Variants in TUBGCP5 observed in about 807,000 individuals in gnomAD.
The protein encoded by TUBGCP5 is gamma-tubulin complex component 5.
TUBGCP5 carries 98 observed loss-of-function variants against 134.7 expected under a neutral mutation model. The ratio of observed to expected loss-of-function variants is 0.73; its 90% CI spans 0.62 to 0.86. The LOEUF is 0.86. Ranked by LOEUF, TUBGCP5 falls within the 40% of genes least tolerant of loss-of-function variation. TUBGCP5 has a pLI of 0.00. For missense variants in TUBGCP5, 1,150 were observed against 1,244.8 expected (o/e 0.92, Z 1.15); for synonymous variants, 456 against 431.4 (o/e 1.06, Z -0.71).
chr15:23,039,249 G>A (rs1226313683), intron 1 of TUBGCP5, 149 bp downstream of exon 1: 15 of 903,998 alleles, frequency 1.7e-5, no homozygotes, highest in Non-Finnish European at 2.1e-5. Context: ...CGGGGAGCAG[G>A]CGGTGGCAGG....
chr15:23,016,874 C>T (rs964920011), intron 13 of TUBGCP5, among the ~76,000 whole-genome samples: 7 of 150,562 alleles, frequency 4.6e-5, no homozygotes, highest in Admixed American at 1.3e-4. Flanking sequence ...AAGAGACATC[C>T]GCACCCCCAT....
At chr15:22,988,215 C>T (rs2063737191) in intron 23 of TUBGCP5, among the ~76,000 whole-genome samples, 1 of 151,830 alleles carries the variant, frequency 6.6e-6, no homozygotes, top group Non-Finnish European at 1.5e-5. Context: ...TGAAGGGGCC[C>T]TAAATCCAAT....
In TUBGCP5 at chr15:22,999,355, T is replaced by C; in HGVS notation, c.*465A>G. The C allele has an allele frequency of 5.1e-6, 1 of 195,524 alleles. No individual in the cohort carries two copies. The highest frequency in any genetic ancestry group is 1.1e-4 in the East Asian group (1 of 8,752). 12.1% of individuals were successfully genotyped at this position (195,524 alleles called of 1,614,324 possible). On this transcript the variant is annotated 3_prime_UTR_variant, in exon 23 of 23. Coordinates refer to ENST00000615383, the MANE Select transcript of TUBGCP5 (RefSeq NM_052903.6). ...TATGTATACAACTCTATACAGTATC[T>C]ACTAATCTCCAGAAAACCCACCTAC...
chr15:22,994,528 C>T (rs1188107145), downstream of TUBGCP5, among the ~76,000 whole-genome samples: 3 of 152,186 alleles, frequency 2.0e-5, no homozygotes, highest in East Asian at 5.8e-4. Flanking sequence ...TGAGACTCAT[C>T]CAAGTTGTTA....
chr15:23,026,312 A>G (rs2065985461), intron 7 of TUBGCP5, 107 bp from the exon 8 acceptor site: 2 of 925,070 alleles, frequency 2.2e-6, no homozygotes, highest in Non-Finnish European at 3.5e-6. Flanking sequence ...GCAATCAACT[A>G]ACAAGTATAC....
At chr15:22,999,129 T>C (rs1385289079), downstream of TUBGCP5, 1 of 152,148 alleles carries the variant, frequency 6.6e-6, no homozygotes, top group Non-Finnish European at 1.5e-5. Flanking sequence ...TAAAACTCTA[T>C]ATAAAAAGCT....
intron 11 of TUBGCP5, 39 bp downstream of exon 11, chr15:23,021,920 A>G (rs752156616): frequency 2.4e-5 from 38 of 1,579,854 alleles, no homozygotes; most frequent in Non-Finnish European, 3.1e-5. Context: ...TCTGCTGTGC[A>G]GCATGGAGTC....
intron 21 of TUBGCP5, among the ~76,000 whole-genome samples, chr15:23,001,396 A>G (rs527940464): frequency 6.7e-6 from 1 of 149,408 alleles, no homozygotes; most frequent in African/African-American, 2.5e-5. Context: ...CTGGAGTGCA[A>G]TGTAGCGATC....
At chr15:23,024,955 G>A in intron 8 of TUBGCP5, 125 bp from the exon 9 acceptor site, 1 of 616,452 alleles carries the variant, frequency 1.6e-6, no homozygotes, top group South Asian at 1.9e-5. Flanking sequence ...AGGCTGGAGT[G>A]CAGCAGCATG....
In TUBGCP5 at chr15:23,017,924, G is replaced by A. The variant is rs61738868; in HGVS notation, c.1605C>T (p.Ser535=). Residue 535 remains serine (S), a synonymous_variant, in exon 13 of 23, where the codon TCC becomes TCT. Transcript: ENST00000615383. ...TGCTGGAGGGCCCCTGGTCACTGCC[G>A]GAACTCGCACTAGCGTTATCACTCA... ...EKMSDNASAS[S]GSDQGPSSRQ... is the part of the protein sequence containing the mutation. 5.1e-3 allele frequency: 8,207 copies of A among 1,614,148 alleles called. 49 individuals carry two copies. Among genetic ancestry groups the A allele is most frequent in the Non-Finnish European group, 5.4e-3 (6,428 of 1,180,028 alleles).
chr15:23,008,187 G>A (rs1402982663), intron 16 of TUBGCP5, among the ~76,000 whole-genome samples: 3 of 152,162 alleles, frequency 2.0e-5, no homozygotes, highest in Non-Finnish European at 4.4e-5. Context: ...ACTGGCATGA[G>A]CCACTGCATC....
At chr15:23,027,429 TAAC>T in intron 6 of TUBGCP5, 123 bp from the exon 7 acceptor site, 15 of 704,384 alleles carry the variant, frequency 2.1e-5, no homozygotes, top group East Asian at 3.0e-5. Context: ...AACAGCTACC[TAAC>T]ATTTATGTAT....
Position 23,023,939 on chromosome 15 carries a change from T to C in TUBGCP5, c.1168+8A>G, listed in dbSNP as rs772616274. 4.3e-6 allele frequency: 7 copies of C among 1,613,210 alleles called. No homozygotes were observed. The highest frequency in any genetic ancestry group is 1.7e-5 in the Admixed American group (1 of 59,872). On this transcript the variant is annotated splice_region_variant and intron_variant, in intron 10 of 22. Transcript: ENST00000615383. ...GTAGTATGAGTAAAGATGAAGAACATTTAATACCATTATTGATGATGCACT... is the reference window on the plus strand; with the variant it reads ...GTAGTATGAGTAAAGATGAAGAACACTTAATACCATTATTGATGATGCACT...
chr15:23,038,681 T>G (rs1555447216), intron 1 of TUBGCP5, among the ~76,000 whole-genome samples: 1 of 151,140 alleles, frequency 6.6e-6, no homozygotes, highest in Non-Finnish European at 1.5e-5. Context: ...AACATTAACA[T>G]TTTTTTAGTA....
rs111475081 is a variant in TUBGCP5 at position 23,019,480 on chromosome 15, A to C, written c.1372-146T>G. On this transcript the variant is annotated intron_variant, in intron 11 of 22. Coordinates refer to ENST00000615383, the MANE Select transcript of TUBGCP5 (RefSeq NM_052903.6). ...ACAAAGAAATTAAAAATCCAAAAAC[A>C]TACACTATAAAATCCTTATGAAAAA... The C allele has an allele frequency of 4.2e-5, 27 of 644,464 alleles. No individual in the cohort carries two copies. In the African/African-American group the frequency reaches 4.7e-4, roughly 11 times the overall value. 39.9% of individuals were successfully genotyped at this position (644,464 alleles called of 1,614,324 possible).
chr15:22,995,734 A>G (rs967278393), downstream of TUBGCP5, among the ~76,000 whole-genome samples: 1 of 152,152 alleles, frequency 6.6e-6, no homozygotes, highest in African/African-American at 2.4e-5. Flanking sequence ...TGTGGGACCA[A>G]TGAAGACACA....
chr15:23,024,405 T>C (rs2065879698), intron 9 of TUBGCP5: 1 of 534,550 alleles, frequency 1.9e-6, no homozygotes, highest in African/African-American at 1.9e-5. Flanking sequence ...ATGGCTTATA[T>C]TTTTAAAAAC....
At chr15:23,005,030 G>GA (rs1302143280) in intron 19 of TUBGCP5, among the ~76,000 whole-genome samples, 1 of 152,120 alleles carries the variant, frequency 6.6e-6, no homozygotes, top group African/African-American at 2.4e-5. Flanking sequence ...TTGTTTTTAA[G>GA]AAAAAAGTCT....
chr15:23,015,788 T>C (rs963121598), intron 13 of TUBGCP5, among the ~76,000 whole-genome samples: 2 of 152,174 alleles, frequency 1.3e-5, no homozygotes, highest in Admixed American at 1.3e-4. Context: ...ATGGAGACTA[T>C]ACTACTGCAT....
Sources: allele counts gnomAD v4.1 joint callset (sites outside exome capture counted in the v4.1 genomes callset), GRCh38; gene constraint gnomAD v4.1.1; transcripts MANE v1.5; gene names NCBI Gene and HGNC (gene_info 2026-07-23, HGNC 2026-07-21).